Variants in CTNNA2 observed in about 807,000 individuals in gnomAD.
CTNNA2 encodes catenin alpha-2.
In CTNNA2, 42 loss-of-function variants were observed where a neutral mutation model predicts 101.0. That is an observed-to-expected ratio of 0.42 (90% CI 0.32 to 0.54). The LOEUF is 0.54. Ranked by LOEUF, CTNNA2 falls within the 20% of genes least tolerant of loss-of-function variation. The probability of loss-of-function intolerance (pLI) is 0.14; values close to 1 mark genes in which losing one functional copy is unlikely to be tolerated. For missense variants in CTNNA2, 871 were observed against 1,223.1 expected (o/e 0.71, Z 4.29); for synonymous variants, 450 against 456.4 (o/e 0.99, Z 0.18).
rs1450461907 is a variant in CTNNA2 at position 79,982,226 on chromosome 2, A to G, written c.1056+72429A>G. On this transcript the variant is annotated intron_variant, in intron 7 of 18. Coordinates refer to ENST00000402739, the MANE Select transcript of CTNNA2 (RefSeq NM_001282597.3). ...TATATATATATATATATATATATAT[A>G]TATATATATATATATGTATGTATAT... Among the ~76,000 whole-genome samples the G allele has an allele frequency of 7.0e-3, 689 of 98,372 alleles. 40 individuals are homozygous for G. The highest frequency in any genetic ancestry group is 0.029 in the African/African-American group (651 of 22,202). 64.5% of individuals were successfully genotyped at this position (98,372 alleles called of 152,430 possible).
intron 1 of CTNNA2, among the ~76,000 whole-genome samples, chr2:79,616,223 T>C (rs1053347085): frequency 7.9e-5 from 12 of 152,196 alleles, no homozygotes; most frequent in South Asian, 2.1e-4. Flanking sequence ...AGTGTATCTT[T>C]GGCATATTGC....
At chr2:80,146,341 G>A (rs150676778) in intron 7 of CTNNA2, among the ~76,000 whole-genome samples, 119 of 152,208 alleles carry the variant, frequency 7.8e-4, no homozygotes, top group African/African-American at 2.8e-3. Context: ...TTCTTGGATT[G>A]TTACTCATCA....
At chr2:80,349,794 C>G (rs771855224) in intron 7 of CTNNA2, among the ~76,000 whole-genome samples, 2 of 152,078 alleles carry the variant, frequency 1.3e-5, no homozygotes, top group African/African-American at 2.4e-5. Flanking sequence ...TGCTGGCATT[C>G]AGGCATGAGC....
chr2:79,274,508 AAAAT>A (rs568459352), intron 2 of CTNNA2, among the ~76,000 whole-genome samples: 83 of 152,230 alleles, frequency 5.5e-4, no homozygotes, highest in African/African-American at 1.9e-3. Flanking sequence ...GATAAATAAC[AAAAT>A]AAATAACCTC....
At chr2:80,353,533 A>T (rs1397676563) in intron 7 of CTNNA2, among the ~76,000 whole-genome samples, 2 of 152,172 alleles carry the variant, frequency 1.3e-5, no homozygotes, top group Admixed American at 6.6e-5. Context: ...TAACACAAAG[A>T]TCACATATCC....
intron 2 of CTNNA2, among the ~76,000 whole-genome samples, chr2:79,310,129 A>G (rs1189616505): frequency 6.6e-6 from 1 of 152,152 alleles, no homozygotes; most frequent in Non-Finnish European, 1.5e-5. Context: ...TGTATAAAGG[A>G]TCATAATATA....
chr2:79,562,784 T>C (rs1674859756), intron 1 of CTNNA2, among the ~76,000 whole-genome samples: 1 of 152,026 alleles, frequency 6.6e-6, no homozygotes, highest in Non-Finnish European at 1.5e-5. Flanking sequence ...CAGCATGATA[T>C]CACTTTACTT....
intron 2 of CTNNA2, among the ~76,000 whole-genome samples, chr2:79,713,571 T>C (rs1317869807): frequency 6.6e-6 from 1 of 152,184 alleles, no homozygotes; most frequent in Non-Finnish European, 1.5e-5. Context: ...ACTCCAGTAC[T>C]GGTTCTGCTG....
At chr2:79,659,622 T>C (rs1465287744) in intron 2 of CTNNA2, among the ~76,000 whole-genome samples, 1 of 152,240 alleles carries the variant, frequency 6.6e-6, no homozygotes, top group Non-Finnish European at 1.5e-5. Context: ...TATTTACCTT[T>C]GTTTTCATAC....
intron 4 of CTNNA2, among the ~76,000 whole-genome samples, chr2:79,471,544 A>G (rs1039233225): frequency 4.6e-5 from 7 of 152,114 alleles, no homozygotes; most frequent in Non-Finnish European, 8.8e-5. Context: ...GGAGGTTAAG[A>G]TTTTAACATA....
intron 2 of CTNNA2, among the ~76,000 whole-genome samples, chr2:79,659,660 A>G (rs1681876819): frequency 6.6e-6 from 1 of 152,010 alleles, no homozygotes; most frequent in African/African-American, 2.4e-5. Context: ...TTTGAATGAT[A>G]TTTTTCTTGC....
intron 2 of CTNNA2, among the ~76,000 whole-genome samples, chr2:79,707,726 G>C (rs141695061): frequency 1.0e-3 from 159 of 152,292 alleles, no homozygotes; most frequent in African/African-American, 3.7e-3. Flanking sequence ...CACAGTTCCA[G>C]TGCACTGTCT....
At chr2:79,223,834 C>T (rs1674376064) in intron 2 of CTNNA2, among the ~76,000 whole-genome samples, 1 of 152,188 alleles carries the variant, frequency 6.6e-6, no homozygotes, top group African/African-American at 2.4e-5. Flanking sequence ...AGCTCCAAGA[C>T]ATGAGAATTG....
intron 7 of CTNNA2, among the ~76,000 whole-genome samples, chr2:80,263,650 T>C (rs1018730839): frequency 6.6e-5 from 10 of 152,228 alleles, no homozygotes; most frequent in African/African-American, 2.4e-4. Context: ...GTAGCAAATT[T>C]AAATTCAGTT....
chr2:80,306,287 G>T (rs78999223), intron 7 of CTNNA2, among the ~76,000 whole-genome samples: 6,821 of 152,196 alleles, frequency 0.045, 206 homozygotes, highest in Middle Eastern at 0.075. Flanking sequence ...CCTTAATTTT[G>T]CACGTGACTA....
intron 7 of CTNNA2, among the ~76,000 whole-genome samples, chr2:80,194,537 T>C (rs919544511): frequency 1.3e-5 from 2 of 151,632 alleles, no homozygotes; most frequent in African/African-American, 4.8e-5. Flanking sequence ...TGGTGGGGGA[T>C]AGGGAGTGAT....
At chr2:79,464,398 G>A (rs1430911877) in intron 4 of CTNNA2, among the ~76,000 whole-genome samples, 1 of 152,160 alleles carries the variant, frequency 6.6e-6, no homozygotes, top group Non-Finnish European at 1.5e-5. Context: ...GGACATTTGG[G>A]TTGGTTCCAA....
At chr2:79,295,870 G>A (rs927852155) in intron 2 of CTNNA2, among the ~76,000 whole-genome samples, 1 of 152,042 alleles carries the variant, frequency 6.6e-6, no homozygotes. Flanking sequence ...TGTTTTCAGA[G>A]TGTGAATTTT....
At chr2:80,516,825 G>A (rs1227402447) in intron 9 of CTNNA2, among the ~76,000 whole-genome samples, 14 of 152,288 alleles carry the variant, frequency 9.2e-5, no homozygotes, top group Non-Finnish European at 1.8e-4. Flanking sequence ...TCTAACAACG[G>A]TAAATTAATA....
Sources: allele counts gnomAD v4.1 joint callset (sites outside exome capture counted in the v4.1 genomes callset), GRCh38; gene constraint gnomAD v4.1.1; transcripts MANE v1.5; gene names NCBI Gene and HGNC (gene_info 2026-07-23, HGNC 2026-07-21).